SAMM50: variants seen among roughly 807,000 people sequenced by gnomAD.
SAMM50 encodes the protein SAMM50 sorting and assembly machinery component, also known as sorting and assembly machinery component 50 homolog.
SAMM50 carries 47 observed loss-of-function variants against 66.9 expected under a neutral mutation model. The observed-to-expected ratio is 0.70, with a 90% CI of 0.56 to 0.90. The LOEUF (loss-of-function observed/expected upper bound fraction) is 0.90, where lower values mean the gene tolerates loss of function less well. Among genes scored for constraint, SAMM50 ranks in the 40% least tolerant of loss-of-function variants. The pLI, the probability that SAMM50 is intolerant of heterozygous loss-of-function variation, is 0.00. For synonymous variants in SAMM50, 191 were observed against 214.1 expected, an observed-to-expected ratio of 0.89 and a Z score of 0.94; for missense variants, 535 against 595.3, an observed-to-expected ratio of 0.90 and a Z score of 1.05.
chr22:43,987,174 A>C (rs2050299010), intron 12 of SAMM50: 4 of 152,166 alleles, frequency 2.6e-5, no homozygotes, highest in Admixed American at 2.0e-4. Flanking sequence ...AAATTGCTAT[A>C]ATTTTTTTGT....
intron 14 of SAMM50, among the ~76,000 whole-genome samples, chr22:43,992,795 G>A (rs2050332044): frequency 6.6e-6 from 1 of 152,234 alleles, no homozygotes; most frequent in African/African-American, 2.4e-5. Flanking sequence ...GATACACCCG[G>A]CGTGGCCAGC....
At position 43,955,616 on chromosome 22, in the gene SAMM50, C is replaced by T. The variant is rs1450635687; in HGVS notation, c.21+18C>T. Reference sequence around the variant, plus strand: ...ACGCCCGGGTAAGAGGCCCAGCGACCCGCGGGCTGCGAGGCCTCTGGGCCA... The same window carrying T: ...ACGCCCGGGTAAGAGGCCCAGCGACTCGCGGGCTGCGAGGCCTCTGGGCCA... On this transcript the variant is annotated intron_variant, in intron 1 of 14. Transcript: ENST00000350028. 1.9e-6 allele frequency: 3 copies of T among 1,584,004 alleles called. No homozygotes were observed. Among genetic ancestry groups the T allele is most frequent in the Non-Finnish European group, 2.6e-6 (3 of 1,166,090 alleles).
intron 10 of SAMM50, among the ~76,000 whole-genome samples, chr22:43,979,764 T>G (rs1361146817): frequency 2.0e-5 from 3 of 152,140 alleles, no homozygotes; most frequent in Non-Finnish European, 4.4e-5. Context: ...TAGCCCTTGA[T>G]CCTTCATCAC....
chr22:43,970,129 GAA>G (rs1012483397), intron 4 of SAMM50, among the ~76,000 whole-genome samples: 2 of 152,186 alleles, frequency 1.3e-5, no homozygotes, highest in Non-Finnish European at 2.9e-5. Flanking sequence ...AGACAAGAGA[GAA>G]GTCTCCATCT....
chr22:43,958,125 C>T (rs1311778510), intron 1 of SAMM50, among the ~76,000 whole-genome samples: 1 of 152,196 alleles, frequency 6.6e-6, no homozygotes, highest in Non-Finnish European at 1.5e-5. Context: ...CATTCCCCCT[C>T]CCATCATCCA....
In SAMM50 at chr22:43,976,135, A is replaced by G; in HGVS notation, c.729A>G (p.Ser243=). The G allele has an allele frequency of 6.2e-7, 1 of 1,610,380 alleles. No individual in the cohort carries two copies. Among genetic ancestry groups the G allele is most frequent in the Non-Finnish European group, 8.5e-7 (1 of 1,176,772 alleles). Residue 243 remains serine, a synonymous_variant, in exon 8 of 15, where the codon TCA becomes TCG. Coordinates refer to ENST00000350028, the MANE Select transcript of SAMM50 (RefSeq NM_015380.5). ...RELGCLSRTA[S]FAVRKESGHS... is the part of the protein sequence containing the mutation. Reference sequence around the variant, plus strand: ...TGGGCTGCCTCTCAAGGACGGCGTCATTTGCTGTTCGAAAAGAAAGCGGAC... The same window carrying G: ...TGGGCTGCCTCTCAAGGACGGCGTCGTTTGCTGTTCGAAAAGAAAGCGGAC...
At chr22:43,956,582 A>G (rs1459234733) in intron 1 of SAMM50, among the ~76,000 whole-genome samples, 1 of 152,232 alleles carries the variant, frequency 6.6e-6, no homozygotes, top group Admixed American at 6.5e-5. Flanking sequence ...CAGCAGAGAA[A>G]GAGTTTCAGT....
At chr22:43,976,971 C>T (rs1301804996) in intron 9 of SAMM50, 150 bp downstream of exon 9, 1 of 572,442 alleles carries the variant, frequency 1.7e-6, no homozygotes, top group Non-Finnish European at 3.1e-6. Flanking sequence ...TCGCCAGCTC[C>T]ACTCTCAGGG....
chr22:43,986,012 TTTTA>T (rs10629307), intron 12 of SAMM50, among the ~76,000 whole-genome samples: 8 of 149,388 alleles, frequency 5.4e-5, no homozygotes, highest in Non-Finnish European at 1.2e-4. Flanking sequence ...CATCTGTAAG[TTTTA>T]TTTATTTATT....
intron 12 of SAMM50, chr22:43,986,262 A>C (rs747257007): frequency 6.6e-6 from 1 of 151,602 alleles, no homozygotes; most frequent in Non-Finnish European, 1.5e-5. Context: ...GGCTGATCTC[A>C]AACTCCTGAC....
At chr22:43,973,804 G>T (rs772445840) in intron 7 of SAMM50, among the ~76,000 whole-genome samples, 1 of 152,014 alleles carries the variant, frequency 6.6e-6, no homozygotes, top group Non-Finnish European at 1.5e-5. Flanking sequence ...TAGAGATGGC[G>T]GTTTCCTTAT....
At chr22:43,996,229 G>A (rs539239109) in intron 14 of SAMM50, 109 bp from the exon 15 acceptor site, 3 of 1,182,894 alleles carry the variant, frequency 2.5e-6, no homozygotes, top group African/African-American at 3.0e-5. Flanking sequence ...GGCAGCAGGA[G>A]GAGGAGGAAG....
At position 43,989,159 on chromosome 22, in the gene SAMM50, A is replaced by G. The variant is rs1037082670; in HGVS notation, c.1124A>G (p.Tyr375Cys). ...TACTGGGCCGGCGGCCTGCACCTCTACACCCCATTACCTTTCCGGCCAGGC... is the reference window on the plus strand; with the variant it reads ...TACTGGGCCGGCGGCCTGCACCTCTGCACCCCATTACCTTTCCGGCCAGGC... ...EAYWAGGLHL[Y>C]TPLPFRPGQG... Residue 375 changes from tyrosine (Y) to cysteine (C), a missense_variant, in exon 13 of 15, where the codon TAC becomes TGC. Coordinates refer to ENST00000350028, the MANE Select transcript of SAMM50 (RefSeq NM_015380.5). The G allele has an allele frequency of 6.2e-7, 1 of 1,614,068 alleles. No individual in the cohort carries two copies. Among genetic ancestry groups the G allele is most frequent in the Non-Finnish European group, 8.5e-7 (1 of 1,179,996 alleles).
At chr22:43,978,704 A>T (rs34233580) in intron 10 of SAMM50, among the ~76,000 whole-genome samples, 89,548 of 151,028 alleles carry the variant, frequency 0.59, 27,507 homozygotes, top group East Asian at 0.83. Context: ...GAGTGAGGAG[A>T]AAGTGACTGG....
intron 12 of SAMM50, among the ~76,000 whole-genome samples, chr22:43,985,671 GGTT>G (rs2050288566): frequency 6.6e-6 from 1 of 151,982 alleles, no homozygotes; most frequent in Non-Finnish European, 1.5e-5. Context: ...TTCACGCGCA[GGTT>G]GTTGTGGACA....
At chr22:43,968,226 C>CAAAAAAAAAAAAAAAAAAAAAGAAA (rs2050183982) in intron 3 of SAMM50, among the ~76,000 whole-genome samples, 1 of 68,644 alleles carries the variant, frequency 1.5e-5, no homozygotes, top group Non-Finnish European at 2.8e-5. Flanking sequence ...AACTCTGTCT[C>CAAAAAAAAAAAAAAAAAAAAAGAAA]AAAAAAAAAA....
chr22:43,967,673 C>T (rs2050180330), intron 3 of SAMM50, among the ~76,000 whole-genome samples: 1 of 152,172 alleles, frequency 6.6e-6, no homozygotes, highest in Non-Finnish European at 1.5e-5. Context: ...CTGTGTGATC[C>T]GTTCTTTCTC....
At chr22:43,988,102 T>C (rs1569035432) in intron 12 of SAMM50, 1 of 152,198 alleles carries the variant, frequency 6.6e-6, no homozygotes, top group Non-Finnish European at 1.5e-5. Flanking sequence ...ACAATGAGTA[T>C]ATTTAACTTT....
intron 10 of SAMM50, among the ~76,000 whole-genome samples, chr22:43,978,209 T>G (rs2146818701): frequency 6.6e-6 from 1 of 151,962 alleles, no homozygotes; most frequent in East Asian, 1.9e-4. Context: ...TTTGGGAGGC[T>G]GAGGTGGGTG....
Sources: allele counts gnomAD v4.1 joint callset (sites outside exome capture counted in the v4.1 genomes callset), GRCh38; gene constraint gnomAD v4.1.1; transcripts MANE v1.5; gene names NCBI Gene and HGNC (gene_info 2026-07-23, HGNC 2026-07-21).